PLPPR1: variants seen among roughly 807,000 people sequenced by gnomAD.
The protein encoded by PLPPR1 is phospholipid phosphatase-related protein type 1.
A neutral mutation model predicts 33.1 loss-of-function variants in PLPPR1; 10 were observed. The ratio of observed to expected loss-of-function variants is 0.30; its 90% CI spans 0.19 to 0.51. The LOEUF (loss-of-function observed/expected upper bound fraction) is 0.51. PLPPR1 is among the 20% of genes least tolerant of loss of function. The probability of loss-of-function intolerance (pLI) is 0.97; values close to 1 mark genes in which losing one functional copy is unlikely to be tolerated. For synonymous variants in PLPPR1, 151 were observed against 151.0 expected, an observed-to-expected ratio of 1.00 and a Z score of 0.00; for missense variants, 304 against 408.1, an observed-to-expected ratio of 0.74 and a Z score of 2.20.
At chr9:101,088,578 CAG>C (rs966490374) in intron 1 of PLPPR1, among the ~76,000 whole-genome samples, 1 of 151,918 alleles carries the variant, frequency 6.6e-6, no homozygotes, top group African/African-American at 2.4e-5. Context: ...AAATAAAACG[CAG>C]AGTTTGGTTC....
chr9:101,138,366 A>G (rs894896080), intron 1 of PLPPR1, among the ~76,000 whole-genome samples: 1 of 152,214 alleles, frequency 6.6e-6, no homozygotes, highest in Admixed American at 6.5e-5. Flanking sequence ...CCCAAAGATT[A>G]GTGTAGTACC....
At chr9:101,259,255 T>A (rs1015241990) in intron 2 of PLPPR1, among the ~76,000 whole-genome samples, 1 of 152,112 alleles carries the variant, frequency 6.6e-6, no homozygotes, top group African/African-American at 2.4e-5. Flanking sequence ...ACCTATGTAT[T>A]CTCCGCTAAC....
chr9:101,256,481 G>A (rs906451720), intron 2 of PLPPR1, among the ~76,000 whole-genome samples: 1 of 152,158 alleles, frequency 6.6e-6, no homozygotes, highest in Non-Finnish European at 1.5e-5. Flanking sequence ...CGAGGGTTCA[G>A]GGGGTAAGCA....
intron 1 of PLPPR1, among the ~76,000 whole-genome samples, chr9:101,164,863 A>G (rs903705576): frequency 6.6e-6 from 1 of 152,010 alleles, no homozygotes; most frequent in African/African-American, 2.4e-5. Flanking sequence ...TCATTCATTC[A>G]TTTTCTTTCC....
chr9:101,291,466 G>A (rs981942127), intron 4 of PLPPR1, among the ~76,000 whole-genome samples: 1 of 152,224 alleles, frequency 6.6e-6, no homozygotes, highest in African/African-American at 2.4e-5. Flanking sequence ...CTGGAGATCT[G>A]AGAATGGGCA....
intron 1 of PLPPR1, among the ~76,000 whole-genome samples, chr9:101,131,190 G>A (rs1237596486): frequency 6.6e-6 from 1 of 152,082 alleles, no homozygotes; most frequent in African/African-American, 2.4e-5. Context: ...GTAATGCCCT[G>A]GTACAGCATT....
At position 101,192,687 on chromosome 9, in the gene PLPPR1, A is replaced by T. The variant is rs1261921607; in HGVS notation, c.63+7130A>T. Among the ~76,000 whole-genome samples, 29 of 152,194 alleles carry T rather than the reference A, an allele frequency of 1.9e-4. 1 individual carries two copies. The highest frequency in any genetic ancestry group is 1.9e-3 in the Admixed American group (29 of 15,274). On this transcript the variant is annotated intron_variant, in intron 2 of 7. Transcript: ENST00000374874. Reference sequence around the variant, plus strand: ...ATGAAACACACACACACATACACACATACACATACAACCTTGATAGTAAGA... The same window carrying T: ...ATGAAACACACACACACATACACACTTACACATACAACCTTGATAGTAAGA...
At chr9:101,152,955 T>C (rs1831610950) in intron 1 of PLPPR1, among the ~76,000 whole-genome samples, 2 of 152,234 alleles carry the variant, frequency 1.3e-5, no homozygotes, top group South Asian at 2.1e-4. Flanking sequence ...GGTAGCTTGA[T>C]GGGGATGGCA....
At chr9:101,167,185 T>TGTGTGTGTGTGTGTG (rs1491118695) in intron 1 of PLPPR1, among the ~76,000 whole-genome samples, 171 of 68,046 alleles carry the variant, frequency 2.5e-3, no homozygotes, top group Non-Finnish European at 3.7e-3. Context: ...TGTGTGTGTC[T>TGTGTGTGTGTGTGTG]TTCTCTCTCT....
chr9:101,284,550 TGTTA>T (rs1828357421), intron 3 of PLPPR1, among the ~76,000 whole-genome samples: 1 of 152,204 alleles, frequency 6.6e-6, no homozygotes, highest in Admixed American at 6.5e-5. Flanking sequence ...ATCATGCATA[TGTTA>T]ATTAGCTAGA....
At chr9:101,257,798 C>G (rs1276097523) in intron 2 of PLPPR1, among the ~76,000 whole-genome samples, 2 of 149,578 alleles carry the variant, frequency 1.3e-5, no homozygotes, top group Non-Finnish European at 2.9e-5. Context: ...AATGATTAGG[C>G]AAACTTCTTT....
chr9:101,195,745 C>G (rs1026814478), intron 2 of PLPPR1, among the ~76,000 whole-genome samples: 1 of 152,206 alleles, frequency 6.6e-6, no homozygotes, highest in African/African-American at 2.4e-5. Flanking sequence ...GTTTTCCAGA[C>G]CACCTTGTTC....
chr9:101,110,840 C>G (rs1831047009), intron 1 of PLPPR1, among the ~76,000 whole-genome samples: 1 of 152,046 alleles, frequency 6.6e-6, no homozygotes, highest in Non-Finnish European at 1.5e-5. Flanking sequence ...TATAAAGAGC[C>G]TTAAGATGTA....
intron 1 of PLPPR1, among the ~76,000 whole-genome samples, chr9:101,127,697 A>G (rs543272577): frequency 3.9e-4 from 59 of 152,322 alleles, no homozygotes; most frequent in African/African-American, 9.4e-4. Flanking sequence ...GCCTTAGATT[A>G]TGGTGTGTCA....
At chr9:101,060,919 G>A (rs956743473) in intron 1 of PLPPR1, among the ~76,000 whole-genome samples, 8 of 151,782 alleles carry the variant, frequency 5.3e-5, no homozygotes, top group African/African-American at 1.9e-4. Flanking sequence ...AAAAAAAGTG[G>A]TAATTCTTCA....
intron 1 of PLPPR1, among the ~76,000 whole-genome samples, chr9:101,072,414 TC>T (rs1354745016): frequency 2.0e-5 from 3 of 152,104 alleles, no homozygotes; most frequent in African/African-American, 7.2e-5. Context: ...CTGCATGCAT[TC>T]CATTATAGCC....
chr9:101,293,554 T>G (rs907697425), intron 4 of PLPPR1, among the ~76,000 whole-genome samples: 2 of 152,138 alleles, frequency 1.3e-5, no homozygotes, highest in African/African-American at 4.8e-5. Flanking sequence ...TAGTTGGAAG[T>G]AAAGCTCTCC....
intron 2 of PLPPR1, among the ~76,000 whole-genome samples, chr9:101,204,418 C>G (rs544227080): frequency 6.6e-6 from 1 of 152,304 alleles, no homozygotes; most frequent in East Asian, 1.9e-4. Flanking sequence ...TGGCTTTGAC[C>G]TTCCCACCTG....
chr9:101,193,644 A>G (rs985154735), intron 2 of PLPPR1, among the ~76,000 whole-genome samples: 1 of 152,182 alleles, frequency 6.6e-6, no homozygotes, highest in Non-Finnish European at 1.5e-5. Flanking sequence ...ACCATATTTG[A>G]CATTTGTATG....
Sources: allele counts gnomAD v4.1 joint callset (sites outside exome capture counted in the v4.1 genomes callset), GRCh38; gene constraint gnomAD v4.1.1; transcripts MANE v1.5; gene names NCBI Gene and HGNC (gene_info 2026-07-23, HGNC 2026-07-21).